Variants in SCRN3 observed in about 807,000 individuals in gnomAD.
SCRN3 encodes secernin-3.
SCRN3 carries 39 observed loss-of-function variants against 43.1 expected under a neutral mutation model. The ratio of observed to expected loss-of-function variants is 0.91; its 90% confidence interval spans 0.70 to 1.18. The LOEUF (loss-of-function observed/expected upper bound fraction) is 1.18. Among genes scored for constraint, SCRN3 ranks in the 50% most tolerant of loss-of-function variants. SCRN3 has a pLI of 0.00. For missense variants in SCRN3, 484 were observed against 498.0 expected (o/e 0.97, Z 0.27); for synonymous variants, 147 against 163.1 (o/e 0.90, Z 0.75).
chr2:174,406,928 G>T (rs1207283906), intron 5 of SCRN3, among the ~76,000 whole-genome samples: 13 of 113,446 alleles, frequency 1.1e-4, no homozygotes, highest in African/African-American at 3.7e-4. Context: ...CTCTTTTTTG[G>T]TTGTGTCTCT....
intron 2 of SCRN3, among the ~76,000 whole-genome samples, chr2:174,398,692 G>A (rs1464963874): frequency 6.6e-6 from 1 of 152,162 alleles, no homozygotes; most frequent in Non-Finnish European, 1.5e-5. Flanking sequence ...ATGTTAGATA[G>A]GGCAAGAGAT....
chr2:174,401,835 G>T (rs940623565), intron 4 of SCRN3, among the ~76,000 whole-genome samples: 2 of 152,140 alleles, frequency 1.3e-5, no homozygotes, highest in African/African-American at 4.8e-5. Flanking sequence ...ATAGCCTTAT[G>T]TTTAAGCATA....
intron 2 of SCRN3, among the ~76,000 whole-genome samples, chr2:174,398,865 T>C (rs1162835182): frequency 1.3e-5 from 2 of 152,224 alleles, no homozygotes; most frequent in African/African-American, 2.4e-5. Flanking sequence ...TTAATTCAGC[T>C]TGGAGTTAGC....
rs758111045 is a variant in SCRN3, at chr2:174,398,361, T to A, written c.78T>A (p.Asn26Lys). 3 of 1,608,696 alleles carry A rather than the reference T, an allele frequency of 1.9e-6. No individual in the cohort carries two copies. In the Admixed American group the frequency reaches 5.1e-5, roughly 27 times the overall value. Residue 26 changes from asparagine (N) to lysine (K), a missense_variant, in exon 2 of 8, where the codon AAT (asparagine) becomes AAA (lysine). Coordinates refer to ENST00000272732, the MANE Select transcript of SCRN3 (RefSeq NM_024583.5). ...ATAACAGGATTATTTTTGGAAAAAA[T>A]TCAGATAGACTCTATGATGAAGTAC... ...TVDNRIIFGK[N>K]SDRLYDEVQE...
In SCRN3 at chr2:174,400,208, T is replaced by C. The variant is rs189005819; in HGVS notation, c.341+105T>C. On this transcript the variant is annotated intron_variant, in intron 3 of 7. Transcript: ENST00000272732. ...CTATTTTTGAGGGGGCTTTGATACT[T>C]TGCAGTTTGTGTCAAAATGGTTTAA... 1.2e-3 allele frequency: 1,003 copies of C among 804,646 alleles called. 10 individuals are homozygous for C. Among genetic ancestry groups the C allele is most frequent in the South Asian group, 0.011 (517 of 48,034 alleles). The allele number at this position is 804,646 out of a possible 1,614,324, so 49.8% of individuals were successfully genotyped here. A position where few individuals can be genotyped will look rare whatever the true frequency, so the allele number is the denominator to read the frequency against.
Position 174,395,801 on chromosome 2 carries a change from G to A in SCRN3, c.-26G>A. 6.5e-7 allele frequency: 1 copy of A among 1,547,506 alleles called. No homozygotes were observed. Among genetic ancestry groups the A allele is most frequent in the Non-Finnish European group, 8.7e-7 (1 of 1,144,826 alleles). On this transcript the variant is annotated 5_prime_UTR_variant, in exon 1 of 8. Transcript: ENST00000272732. The stretch of plus-strand genomic sequence containing the variant: ...CTCCCTCCGTCCACCTGTCACTTCG[G>A]GTAGCTGGGAGGCCAGGTGAGGGGC...
At chr2:174,426,454 C>A (rs940767400) in intron 7 of SCRN3, among the ~76,000 whole-genome samples, 6 of 152,058 alleles carry the variant, frequency 3.9e-5, no homozygotes, top group Non-Finnish European at 7.4e-5. Flanking sequence ...AGAGTTCTAC[C>A]CCATAATGGT....
At position 174,423,056 on chromosome 2, in the gene SCRN3, A is replaced by T. The variant is rs949305465; in HGVS notation, c.917+9A>T. On this transcript the variant is annotated intron_variant, in intron 6 of 7. Coordinates refer to ENST00000272732, the MANE Select transcript of SCRN3 (RefSeq NM_024583.5). ...ACTCCTGATCCTGAGAGGTGAAGCC[A>T]CAAAATACTATAAACCAGCAAGGGG... 6 of 1,608,722 alleles carry T rather than the reference A, an allele frequency of 3.7e-6. No homozygotes were observed. Among genetic ancestry groups the T allele is most frequent in the Admixed American group, 3.4e-5 (2 of 59,520 alleles).
At chr2:174,409,259 G>T (rs1685811620) in intron 5 of SCRN3, among the ~76,000 whole-genome samples, 1 of 136,302 alleles carries the variant, frequency 7.3e-6, no homozygotes. Flanking sequence ...GTCGGCTCCT[G>T]AGGCTTCTGC....
chr2:174,422,538 C>T (rs564873296), intron 5 of SCRN3, among the ~76,000 whole-genome samples: 3 of 148,774 alleles, frequency 2.0e-5, no homozygotes, highest in Admixed American at 6.7e-5. Context: ...TGCACCACTG[C>T]ACTCTAGCCT....
chr2:174,413,161 C>T (rs1048754806), intron 5 of SCRN3, among the ~76,000 whole-genome samples: 10 of 151,920 alleles, frequency 6.6e-5, no homozygotes, highest in African/African-American at 1.9e-4. Flanking sequence ...CATGAGCCAC[C>T]ACACCCGGCC....
intron 5 of SCRN3, among the ~76,000 whole-genome samples, chr2:174,414,115 G>T (rs1319255958): frequency 6.6e-6 from 1 of 152,026 alleles, no homozygotes; most frequent in Admixed American, 6.6e-5. Context: ...GAGCCTTCAG[G>T]TAGTTGTTTT....
In SCRN3 at chr2:174,423,046, A is replaced by G; in HGVS notation, c.916A>G (p.Arg306Gly). The G allele has an allele frequency of 6.2e-7, 1 of 1,611,388 alleles. No homozygotes were observed. The highest frequency in any genetic ancestry group is 8.5e-7 in the Non-Finnish European group (1 of 1,178,424). The change falls in exon 6 of 8, where the codon AGA (arginine) becomes GGA (glycine). Residue 306 changes from arginine (R) to glycine (G), a missense_variant and splice_region_variant. By Grantham distance (125) the Arg-to-Gly change is moderately radical. Transcript: ENST00000272732. ...HFFTGTPDPE[R>G]SVFKPFIFVP... The stretch of plus-strand genomic sequence containing the variant: ...CTTTACAGGGACTCCTGATCCTGAG[A>G]GGTGAAGCCACAAAATACTATAAAC...
At chr2:174,420,791 A>G (rs750865259) in intron 5 of SCRN3, among the ~76,000 whole-genome samples, 2 of 152,188 alleles carry the variant, frequency 1.3e-5, no homozygotes, top group African/African-American at 2.4e-5. Context: ...AGTTTAGAAA[A>G]TATAGACAAG....
chr2:174,414,343 GT>G (rs1022297744), intron 5 of SCRN3, among the ~76,000 whole-genome samples: 13 of 151,974 alleles, frequency 8.6e-5, no homozygotes, highest in African/African-American at 2.7e-4. Context: ...GAGATACTTA[GT>G]TTTTTTTCCC....
chr2:174,419,594 TG>T, intron 5 of SCRN3, among the ~76,000 whole-genome samples: 1 of 147,170 alleles, frequency 6.8e-6, no homozygotes, highest in Non-Finnish European at 1.5e-5. Context: ...TTGCCCAGGC[TG>T]GTCTCAAACT....
chr2:174,419,486 C>T (rs529464924), intron 5 of SCRN3, among the ~76,000 whole-genome samples: 1 of 152,242 alleles, frequency 6.6e-6, no homozygotes, highest in African/African-American at 2.4e-5. Flanking sequence ...CTTAAACAAT[C>T]CTCCTGCCTC....
At chr2:174,412,351 A>AT (rs201555468) in intron 5 of SCRN3, among the ~76,000 whole-genome samples, 24,678 of 145,834 alleles carry the variant, frequency 0.17, 2,381 homozygotes, top group Non-Finnish European at 0.23. Context: ...TCTCCTGGGA[A>AT]TTTTTTTTTT....
chr2:174,420,415 G>A (rs1238421458), intron 5 of SCRN3, among the ~76,000 whole-genome samples: 1 of 152,182 alleles, frequency 6.6e-6, no homozygotes, highest in African/African-American at 2.4e-5. Context: ...ATATCATGCA[G>A]AGCCTCTGTA....
Sources: gnomAD v4.1 joint callset for allele counts (sites outside exome capture counted in the v4.1 genomes callset) on GRCh38, gnomAD v4.1.1 for gene constraint, MANE v1.5 for transcripts, NCBI Gene and HGNC (gene_info 2026-07-23, HGNC 2026-07-21) for gene names.